The following RBFOX1 variants were observed in gnomAD, a reference collection of about 807,000 sequenced individuals.
RBFOX1 encodes RNA binding protein fox-1 homolog 1.
In RBFOX1, 8 loss-of-function variants were observed where a neutral mutation model predicts 57.7. That is an observed-to-expected ratio of 0.14 (90% CI 0.08 to 0.25). The LOEUF (loss-of-function observed/expected upper bound fraction) is 0.25. Ranked by LOEUF, RBFOX1 falls within the 10% of genes least tolerant of loss-of-function variation. RBFOX1 has a pLI of 1.00. For synonymous variants in RBFOX1, 326 were observed against 222.4 expected (o/e 1.47, Z -4.15); for missense variants, 611 against 548.5 (o/e 1.11, Z -1.14).
chr16:6,861,209 C>G (rs11646984), intron 3 of RBFOX1, among the ~76,000 whole-genome samples: 11,146 of 152,194 alleles, frequency 0.073, 489 homozygotes, highest in South Asian at 0.16. Context: ...GCTACAGTTA[C>G]CGCTGTGTCT....
intron 7 of RBFOX1, among the ~76,000 whole-genome samples, chr16:7,588,072 G>C (rs1009564707): frequency 6.6e-6 from 1 of 152,142 alleles, no homozygotes; most frequent in African/African-American, 2.4e-5. Flanking sequence ...CCAGCTACTC[G>C]GGAGGCTGAG....
intron 2 of RBFOX1, among the ~76,000 whole-genome samples, chr16:5,521,262 C>T (rs1443859649): frequency 1.3e-5 from 2 of 151,758 alleles, no homozygotes; most frequent in Admixed American, 6.6e-5. Flanking sequence ...ATCTGGCATG[C>T]CCAGTGCTTT....
chr16:5,856,304 CACACACAT>C (rs1173650221), intron 3 of RBFOX1, among the ~76,000 whole-genome samples: 4 of 75,226 alleles, frequency 5.3e-5, no homozygotes, highest in Non-Finnish European at 5.2e-5. Flanking sequence ...CACACACACA[CACACACAT>C]ATATATAGGG....
At chr16:6,737,394 G>A (rs1451613036) in intron 3 of RBFOX1, among the ~76,000 whole-genome samples, 1 of 152,082 alleles carries the variant, frequency 6.6e-6, no homozygotes, top group African/African-American at 2.4e-5. Flanking sequence ...AAGAAATATT[G>A]GGCCTTCATG....
rs550180813 is a variant in RBFOX1 at position 7,633,783 on chromosome 16, T to C, written c.757+3100T>C. On this transcript the variant is annotated intron_variant, in intron 11 of 15. Transcript: ENST00000550418. ...TTGCAGGCTGTGCATTGGTGTTGAATGTTAAGTTTATCCGCAAATCCCTAA... is the reference window on the plus strand; with the variant it reads ...TTGCAGGCTGTGCATTGGTGTTGAACGTTAAGTTTATCCGCAAATCCCTAA... Among the ~76,000 whole-genome samples, 11 of 152,316 alleles carry C rather than the reference T, an allele frequency of 7.2e-5. No homozygotes were observed. In the South Asian group the frequency reaches 2.3e-3, roughly 32 times the overall value.
At chr16:7,701,271 GGGTCCCCAACT>G (rs1380108494) in intron 14 of RBFOX1, among the ~76,000 whole-genome samples, 1 of 148,300 alleles carries the variant, frequency 6.7e-6, no homozygotes, top group Non-Finnish European at 1.5e-5. Context: ...TGTAGGTCAG[GGGTCCCCAACT>G]GGACACACAG....
At chr16:6,820,454 C>G (rs368483053) in intron 3 of RBFOX1, among the ~76,000 whole-genome samples, 2 of 151,984 alleles carry the variant, frequency 1.3e-5, no homozygotes, top group East Asian at 1.9e-4. Context: ...GCCAGGAGTT[C>G]GACACCAGCA....
At chr16:7,518,094 A>G (rs1263231759) in intron 4 of RBFOX1, 53 bp from the exon 5 acceptor site, 33 of 1,566,550 alleles carry the variant, frequency 2.1e-5, no homozygotes, top group Non-Finnish European at 2.9e-5. Flanking sequence ...AGGTTTCTGC[A>G]TGGTGGCTCC....
At chr16:6,233,526 G>A (rs905512451) in intron 1 of RBFOX1, among the ~76,000 whole-genome samples, 4 of 152,116 alleles carry the variant, frequency 2.6e-5, no homozygotes, top group Non-Finnish European at 5.9e-5. Context: ...AAAATCCTTC[G>A]TGTGGGTGGA....
rs184905492 is a variant in RBFOX1, at chr16:6,194,332, C to A, written c.-126-122663C>A. Among the ~76,000 whole-genome samples, 501 of 152,220 alleles carry A rather than the reference C, an allele frequency of 3.3e-3. 4 individuals are homozygous for A. Among genetic ancestry groups the A allele is most frequent in the African/African-American group, 0.012 (481 of 41,542 alleles). The stretch of plus-strand genomic sequence containing the variant: ...TGCAACGAGCTTCTAATTGGCATTT[C>A]TTCTCTTTCCCCTTCAAATCCCTCA... On this transcript the variant is annotated intron_variant, in intron 1 of 15. Coordinates refer to ENST00000550418, the MANE Select transcript of RBFOX1 (RefSeq NM_018723.4).
At chr16:5,927,628 C>T (rs756478328) in intron 4 of RBFOX1, among the ~76,000 whole-genome samples, 8 of 152,124 alleles carry the variant, frequency 5.3e-5, no homozygotes, top group African/African-American at 1.9e-4. Flanking sequence ...ATCTGTATAT[C>T]GAAGAGATAT....
intron 1 of RBFOX1, among the ~76,000 whole-genome samples, chr16:6,195,265 G>A (rs545346252): frequency 6.6e-6 from 1 of 152,236 alleles, no homozygotes; most frequent in East Asian, 1.9e-4. Flanking sequence ...ATCTTGCCTT[G>A]TAAGCCAGTC....
At chr16:7,336,551 C>G (rs2096791757) in intron 4 of RBFOX1, among the ~76,000 whole-genome samples, 1 of 152,208 alleles carries the variant, frequency 6.6e-6, no homozygotes, top group Non-Finnish European at 1.5e-5. Flanking sequence ...AAGTGACAGT[C>G]ATAGCCACTG....
chr16:6,414,369 C>T (rs1014248112), intron 2 of RBFOX1, among the ~76,000 whole-genome samples: 2 of 152,182 alleles, frequency 1.3e-5, no homozygotes, highest in African/African-American at 4.8e-5. Flanking sequence ...CATCCATTTG[C>T]GCATGTATTT....
Position 7,007,356 on chromosome 16 carries a change from C to G in RBFOX1, c.-15-44701C>G, listed in dbSNP as rs143940631. On this transcript the variant is annotated intron_variant, in intron 3 of 15. Transcript: ENST00000550418. ...TTGACTTCTTCTGCCATATGTACCT[C>G]ATTGCAGCTGGAGAAAGTCTTGTGT... Among the ~76,000 whole-genome samples, 8 of 152,318 alleles carry G rather than the reference C, an allele frequency of 5.3e-5. No individual in the cohort carries two copies. The East Asian group carries it at 1.5e-3, about 29-fold the overall frequency.
chr16:5,443,448 A>C (rs1462387951), intron 1 of RBFOX1, among the ~76,000 whole-genome samples: 4 of 152,110 alleles, frequency 2.6e-5, no homozygotes, highest in Middle Eastern at 3.2e-3. Context: ...AGTGATTCTC[A>C]TGCCTCAGCC....
At chr16:7,080,475 T>G (rs775937087) in intron 4 of RBFOX1, among the ~76,000 whole-genome samples, 44 of 152,282 alleles carry the variant, frequency 2.9e-4, no homozygotes, top group Non-Finnish European at 5.1e-4. Flanking sequence ...CAGAGCCTCA[T>G]TCCTTAGGGA....
intron 3 of RBFOX1, among the ~76,000 whole-genome samples, chr16:6,918,477 A>T (rs1285378740): frequency 1.3e-5 from 2 of 152,102 alleles, no homozygotes; most frequent in Admixed American, 6.5e-5. Flanking sequence ...ATCCAATCAA[A>T]TTAATTGTTA....
intron 4 of RBFOX1, among the ~76,000 whole-genome samples, chr16:7,081,874 C>T (rs1372455373): frequency 1.3e-5 from 2 of 152,102 alleles, no homozygotes; most frequent in African/African-American, 4.8e-5. Context: ...TTTTTAGTGG[C>T]ATAAATATTC....
Sources: gnomAD v4.1 joint callset for allele counts (sites outside exome capture counted in the v4.1 genomes callset) on GRCh38, gnomAD v4.1.1 for gene constraint, MANE v1.5 for transcripts, NCBI Gene and HGNC (gene_info 2026-07-23, HGNC 2026-07-21) for gene names.